HIF1A: variants seen among roughly 807,000 people sequenced by gnomAD.
HIF1A encodes the protein hypoxia inducible factor 1 subunit alpha, also known as hypoxia-inducible factor 1-alpha.
A neutral mutation model predicts 92.7 loss-of-function variants in HIF1A; 24 were observed. The observed-to-expected ratio is 0.26, with a 90% CI of 0.19 to 0.36. The LOEUF (loss-of-function observed/expected upper bound fraction) is 0.36, where lower values mean the gene tolerates loss of function less well. Ranked by LOEUF, HIF1A falls within the 10% of genes least tolerant of loss-of-function variation. HIF1A has a pLI of 1.00. For synonymous variants in HIF1A, 319 were observed against 338.7 expected (o/e 0.94, Z 0.64); for missense variants, 799 against 998.5 (o/e 0.80, Z 2.69).
Position 61,695,631 on chromosome 14 carries a change from A to G in HIF1A, c.-174A>G, listed in dbSNP as rs2044103473. 4.5e-6 allele frequency: 3 copies of G among 673,870 alleles called. No homozygotes were observed. The Admixed American group carries it at 8.7e-5, about 20-fold the overall frequency. The allele number at this position is 673,870 out of a possible 1,614,324, so 41.7% of individuals were successfully genotyped here. The stretch of plus-strand genomic sequence containing the variant: ...AGGAGAGGCTCGGAGCCGGGCCCGG[A>G]CCCCGGCGATTGCCGCCCGCTTCTC... On this transcript the variant is annotated 5_prime_UTR_variant, in exon 1 of 15. Coordinates refer to ENST00000337138, the MANE Select transcript of HIF1A (RefSeq NM_001530.4).
chr14:61,703,198 A>G (rs1304289206), intron 1 of HIF1A, among the ~76,000 whole-genome samples: 1 of 152,224 alleles, frequency 6.6e-6, no homozygotes, highest in Admixed American at 6.5e-5. Context: ...GTCAAAAAGT[A>G]TCCATTTTAA....
intron 1 of HIF1A, among the ~76,000 whole-genome samples, chr14:61,718,224 A>C (rs930444697): frequency 5.3e-5 from 8 of 152,190 alleles, no homozygotes; most frequent in Non-Finnish European, 1.0e-4. Flanking sequence ...AGGCTGAGGC[A>C]GGAGAATTGC....
intron 11 of HIF1A, 42 bp from the exon 12 acceptor site, chr14:61,740,713 G>C: frequency 1.3e-6 from 2 of 1,563,214 alleles, no homozygotes; most frequent in South Asian, 2.3e-5. Flanking sequence ...TTATTTATAA[G>C]GTGTGGCCAT....
intron 6 of HIF1A, among the ~76,000 whole-genome samples, chr14:61,731,047 TG>T (rs1295658080): frequency 6.6e-6 from 1 of 152,334 alleles, no homozygotes; most frequent in Middle Eastern, 3.4e-3. Flanking sequence ...GCTTTTCCTT[TG>T]TATATTTATT....
intron 1 of HIF1A, among the ~76,000 whole-genome samples, chr14:61,705,798 A>G (rs755357043): frequency 3.3e-5 from 5 of 152,162 alleles, no homozygotes; most frequent in Non-Finnish European, 5.9e-5. Context: ...ATTGGATAGG[A>G]TGGATTAGTA....
At chr14:61,745,857 A>G in intron 14 of HIF1A, 40 bp downstream of exon 14, 1 of 1,505,736 alleles carries the variant, frequency 6.6e-7, no homozygotes, top group East Asian at 2.3e-5. Flanking sequence ...CACAAAGACA[A>G]AATACATGAA....
intron 4 of HIF1A, among the ~76,000 whole-genome samples, chr14:61,726,083 G>C (rs1384565452): frequency 6.6e-6 from 1 of 152,060 alleles, no homozygotes; most frequent in Non-Finnish European, 1.5e-5. Context: ...GCCTCCCAAA[G>C]TGCTGGGATT....
chr14:61,732,610 G>A, intron 7 of HIF1A, 86 bp downstream of exon 7: 1 of 788,352 alleles, frequency 1.3e-6, no homozygotes. Flanking sequence ...CTAATTCTCT[G>A]GTTAAAAGTT....
intron 11 of HIF1A, 52 bp from the exon 12 acceptor site, chr14:61,740,703 T>A: frequency 6.5e-7 from 1 of 1,549,662 alleles, no homozygotes; most frequent in Non-Finnish European, 8.7e-7. Flanking sequence ...CACTTGTTTT[T>A]TATTTATAAG....
intron 14 of HIF1A, 104 bp from the exon 15 acceptor site, chr14:61,746,830 C>T: frequency 1.1e-6 from 1 of 895,458 alleles, no homozygotes; most frequent in Non-Finnish European, 1.7e-6. Flanking sequence ...AAAACCCTTC[C>T]AGAATTTTGC....
chr14:61,704,778 C>T (rs1488053158), intron 1 of HIF1A, among the ~76,000 whole-genome samples: 1 of 152,096 alleles, frequency 6.6e-6, no homozygotes, highest in East Asian at 1.9e-4. Flanking sequence ...GATTGTTGTG[C>T]ATTCATTTAT....
intron 4 of HIF1A, among the ~76,000 whole-genome samples, chr14:61,724,384 C>CCCT (rs2044476726): frequency 3.0e-5 from 1 of 33,608 alleles, no homozygotes; most frequent in African/African-American, 5.0e-5. Flanking sequence ...TCTCTCTCCC[C>CCCT]CTCCCTCCCG....
chr14:61,715,598 C>G (rs2044354744), intron 1 of HIF1A: 1 of 151,976 alleles, frequency 6.6e-6, no homozygotes, highest in Non-Finnish European at 1.5e-5. Context: ...TAGCCAGGGT[C>G]CTTATCTGTA....
rs148445658 is a variant in HIF1A at position 61,705,249 on chromosome 14, A to G, written c.35+9410A>G. On this transcript the variant is annotated intron_variant, in intron 1 of 14. Transcript: ENST00000337138. ...GTGGTCATTTGGTAACAGTTTGATC[A>G]TAAACAAATGCAGCCTCAAACACAG... Among the ~76,000 whole-genome samples the G allele has an allele frequency of 7.2e-3, 1,090 of 152,280 alleles. 17 individuals are homozygous for G. The highest frequency in any genetic ancestry group is 0.025 in the African/African-American group (1,023 of 41,560).
rs2044152889 is a variant in HIF1A at position 61,699,416 on chromosome 14, T to C, written c.35+3577T>C. Among the ~76,000 whole-genome samples, 2 of 151,616 alleles carry C rather than the reference T, an allele frequency of 1.3e-5. 1 individual carries two copies. The highest frequency in any genetic ancestry group is 4.1e-4 in the South Asian group (2 of 4,824). On this transcript the variant is annotated intron_variant, in intron 1 of 14. Coordinates refer to ENST00000337138, the MANE Select transcript of HIF1A (RefSeq NM_001530.4). ...ACATTCTATTCTTGTATGTCAAGAG[T>C]GGTGTATAGAAAGCTGAGGGGGATT...
At chr14:61,737,202 C>A in intron 9 of HIF1A, 93 bp downstream of exon 9, 1 of 793,416 alleles carries the variant, frequency 1.3e-6, no homozygotes, top group South Asian at 1.7e-5. Flanking sequence ...TGTTGGTAAT[C>A]ATTTGGACAT....
chr14:61,721,755 A>G lies in HIF1A; in HGVS notation c.389A>G (p.His130Arg). 6.2e-7 allele frequency: 1 copy of G among 1,613,436 alleles called. No homozygotes were observed. The highest frequency in any genetic ancestry group is 8.5e-7 in the Non-Finnish European group (1 of 1,179,528). The change falls in exon 4 of 15, where the codon CAC (histidine) becomes CGC (arginine). Residue 130 changes from histidine to arginine, a missense_variant. Coordinates refer to ENST00000337138, the MANE Select transcript of HIF1A (RefSeq NM_001530.4). ...TGTTTACAGTTTGAACTAACTGGAC[A>G]CAGTGTGTTTGATTTTACTCATCCA... is the stretch of plus-strand genomic sequence containing the variant. ...MGLTQFELTG[H>R]SVFDFTHPCD...
Position 61,744,781 on chromosome 14 carries a change from CAT to C in HIF1A, c.2171_2172del (p.His724ArgfsTer37). 1 of 1,590,714 alleles carries C rather than the reference CAT, an allele frequency of 6.3e-7. No homozygotes were observed. The highest frequency in any genetic ancestry group is 8.6e-7 in the Non-Finnish European group (1 of 1,162,424). ...QNAQRKRKME[H>X]DGSLFQAVGI... ...TGCTCAGAGAAAGCGAAAAATGGAA[CAT>C]GATGGTTCACTTTTTCAAGCAGTAG... On this transcript the variant is annotated frameshift_variant, in exon 13 of 15. Transcript: ENST00000337138. LOFTEE classifies it high-confidence loss of function.
chr14:61,738,776 TCTCACTATCACCCAGG>T, intron 10 of HIF1A, among the ~76,000 whole-genome samples: 1 of 152,220 alleles, frequency 6.6e-6, no homozygotes, highest in East Asian at 1.9e-4. Flanking sequence ...TGAGAAAGAG[TCTCACTATCACCCAGG>T]CTGGAGTGCA....
Sources: gnomAD v4.1 joint callset for allele counts (sites outside exome capture counted in the v4.1 genomes callset) on GRCh38, gnomAD v4.1.1 for gene constraint, MANE v1.5 for transcripts, NCBI Gene and HGNC (gene_info 2026-07-23, HGNC 2026-07-21) for gene names.